The following GALNT16 variants were observed in gnomAD, a reference collection of about 807,000 sequenced individuals.
The protein encoded by GALNT16 is polypeptide N-acetylgalactosaminyltransferase 16.
A neutral mutation model predicts 76.1 loss-of-function variants in GALNT16; 40 were observed. The ratio of observed to expected loss-of-function variants is 0.53; its 90% CI spans 0.41 to 0.68. The LOEUF (loss-of-function observed/expected upper bound fraction) is 0.68, where lower values mean the gene tolerates loss of function less well. Ranked by LOEUF, GALNT16 falls within the 30% of genes least tolerant of loss-of-function variation. The pLI is 0.00. For synonymous variants in GALNT16, 276 were observed against 285.2 expected, an observed-to-expected ratio of 0.97 and a Z score of 0.32; for missense variants, 621 against 731.9, an observed-to-expected ratio of 0.85 and a Z score of 1.75.
chr14:69,339,541 C>G lies in GALNT16; in HGVS notation c.1109C>G (p.Thr370Ser), dbSNP rs574858432. The change falls in exon 11 of 15, where the codon ACT becomes AGT. Residue 370 changes from threonine to serine, a missense_variant. Thr to Ser is a moderately conservative substitution (Grantham distance 58, BLOSUM62 1). Coordinates refer to ENST00000448469, the MANE Select transcript of GALNT16 (RefSeq NM_001168368.2). The stretch of plus-strand genomic sequence containing the variant: ...TCTCCTTTTAGGAATACTAAGCGCA[C>G]TGCAGAAGTGTGGATGGATGAATAC... ...ALTYIRNTKR[T>S]AEVWMDEYKQ... 1 of 1,610,404 alleles carries G rather than the reference C, an allele frequency of 6.2e-7. No individual in the cohort carries two copies. The highest frequency in any genetic ancestry group is 1.3e-5 in the African/African-American group (1 of 74,964).
chr14:69,381,516 G>A, the GALNT16 span, among the ~76,000 whole-genome samples: 10 of 151,990 alleles, frequency 6.6e-5, no homozygotes, highest in African/African-American at 1.9e-4. Context: ...TAATCAGAAC[G>A]AAAAGGAGTA....
At chr14:69,383,934 G>C in the GALNT16 span, among the ~76,000 whole-genome samples, 2 of 152,116 alleles carry the variant, frequency 1.3e-5, no homozygotes, top group Non-Finnish European at 2.9e-5. Flanking sequence ...GATCACTTGA[G>C]CCCAGGAGTT....
At chr14:69,275,371 G>GTATA (rs138838697) in intron 1 of GALNT16, among the ~76,000 whole-genome samples, 2 of 151,822 alleles carry the variant, frequency 1.3e-5, no homozygotes, top group Non-Finnish European at 2.9e-5. Flanking sequence ...AAATTGATCA[G>GTATA]TATATATATA....
At chr14:69,378,205 G>C in the GALNT16 span, among the ~76,000 whole-genome samples, 7 of 152,304 alleles carry the variant, frequency 4.6e-5, no homozygotes, top group East Asian at 1.3e-3. Flanking sequence ...TGAGATCGTT[G>C]AACTCTTTTT....
intron 1 of GALNT16, among the ~76,000 whole-genome samples, chr14:69,301,399 G>A (rs2044850617): frequency 6.6e-6 from 1 of 152,060 alleles, no homozygotes; most frequent in Non-Finnish European, 1.5e-5. Flanking sequence ...TGTTGCCCAG[G>A]CTGGACTGCA....
In GALNT16 at chr14:69,347,246, G is replaced by A. The variant is rs8011911; in HGVS notation, c.1413+65G>A. On this transcript the variant is annotated intron_variant, in intron 13 of 14. Transcript: ENST00000448469. ...GAGGCATTGTCCAGGAGTGGGGTGA[G>A]GGACTTCCCCCTACTCATTCTCCTC... 0.011 allele frequency: 16,002 copies of A among 1,445,202 alleles called. 1,548 individuals are homozygous for A. The African/African-American group carries it at 0.2, about 18-fold the overall frequency. The allele number at this position is 1,445,202 out of a possible 1,614,324, so 89.5% of individuals were successfully genotyped here.
upstream of GALNT16, chr14:69,259,848 G>A (rs2044235154): frequency 6.0e-6 from 1 of 167,202 alleles, no homozygotes; most frequent in Non-Finnish European, 1.3e-5. Flanking sequence ...GCAGCTGCCG[G>A]GCGTTCGGTC....
At chr14:69,365,667 TG>T in the GALNT16 span, among the ~76,000 whole-genome samples, 1 of 152,086 alleles carries the variant, frequency 6.6e-6, no homozygotes, top group South Asian at 2.1e-4. Context: ...GAATAGTCAA[TG>T]GATGCTGGGC....
At chr14:69,376,678 G>C in the GALNT16 span, among the ~76,000 whole-genome samples, 1 of 151,824 alleles carries the variant, frequency 6.6e-6, no homozygotes. Flanking sequence ...TGGTCAACTT[G>C]GGTTAACATT....
At chr14:69,344,043 G>A (rs11622273) in intron 12 of GALNT16, among the ~76,000 whole-genome samples, 17,672 of 152,232 alleles carry the variant, frequency 0.12, 1,208 homozygotes, top group East Asian at 0.28. Flanking sequence ...TCAATTTGCT[G>A]ATTAGAAAGG....
intron 1 of GALNT16, among the ~76,000 whole-genome samples, chr14:69,306,836 T>C (rs1300969680): frequency 1.3e-5 from 2 of 152,222 alleles, no homozygotes; most frequent in Admixed American, 1.3e-4. Context: ...AGAAACGTAC[T>C]GCCAGACTGT....
intron 1 of GALNT16, among the ~76,000 whole-genome samples, chr14:69,263,240 T>C (rs1489193045): frequency 6.6e-6 from 1 of 152,194 alleles, no homozygotes; most frequent in Non-Finnish European, 1.5e-5. Flanking sequence ...TGTATTATAT[T>C]CATATCTCCT....
intron 1 of GALNT16, among the ~76,000 whole-genome samples, chr14:69,316,794 G>A (rs1295104840): frequency 2.0e-5 from 3 of 149,798 alleles, no homozygotes; most frequent in Admixed American, 6.6e-5. Context: ...GGGCACTGAA[G>A]GTCACGTGAT....
At chr14:69,318,042 A>C (rs2045127100) in intron 1 of GALNT16, among the ~76,000 whole-genome samples, 1 of 152,136 alleles carries the variant, frequency 6.6e-6, no homozygotes, top group Non-Finnish European at 1.5e-5. Context: ...GATCCCCTTC[A>C]CTTCACTGGC....
chr14:69,371,062 T>C, the GALNT16 span, among the ~76,000 whole-genome samples: 1 of 152,168 alleles, frequency 6.6e-6, no homozygotes, highest in African/African-American at 2.4e-5. Context: ...GACAGCCTAT[T>C]AGAGAATCAA....
At chr14:69,266,148 C>A (rs1230978383) in intron 1 of GALNT16, among the ~76,000 whole-genome samples, 2 of 152,208 alleles carry the variant, frequency 1.3e-5, no homozygotes, top group African/African-American at 4.8e-5. Context: ...AGATCCAAGC[C>A]TGGTCTATCA....
rs200338958 is a variant in GALNT16, at chr14:69,260,495, C to A, written c.177+28C>A. The A allele has an allele frequency of 7.8e-4, 1,050 of 1,341,220 alleles. 20 individuals are homozygous for A. In the East Asian group the frequency reaches 0.021, roughly 27 times the overall value. 83.1% of individuals were successfully genotyped at this position (1,341,220 alleles called of 1,614,324 possible). A position where few individuals can be genotyped will look rare whatever the true frequency, so the allele number is the denominator to read the frequency against. ...GAGTACGCCCCGAGCGTCGGCCGGCCGGCTAGGGAGCCGCGGCGCGCGTCC... is the reference window on the plus strand; with the variant it reads ...GAGTACGCCCCGAGCGTCGGCCGGCAGGCTAGGGAGCCGCGGCGCGCGTCC... On this transcript the variant is annotated intron_variant, in intron 1 of 14. Transcript: ENST00000448469.
intron 12 of GALNT16, among the ~76,000 whole-genome samples, chr14:69,343,126 T>C (rs2045516663): frequency 6.6e-6 from 1 of 152,208 alleles, no homozygotes; most frequent in Non-Finnish European, 1.5e-5. Context: ...TACGCCTCAA[T>C]CATGTCTAAA....
chr14:69,300,436 G>C (rs1271722972), intron 1 of GALNT16, among the ~76,000 whole-genome samples: 3 of 152,174 alleles, frequency 2.0e-5, no homozygotes, highest in African/African-American at 7.2e-5. Context: ...CCACCTCTAA[G>C]GCCACCTCTA....
Sources: allele counts gnomAD v4.1 joint callset (sites outside exome capture counted in the v4.1 genomes callset), GRCh38; gene constraint gnomAD v4.1.1; transcripts MANE v1.5; gene names NCBI Gene and HGNC (gene_info 2026-07-23, HGNC 2026-07-21).